JMJD1C: variants seen among roughly 807,000 people sequenced by gnomAD.
JMJD1C encodes jumonji domain containing 1C.
JMJD1C carries 31 observed loss-of-function variants against 245.3 expected under a neutral mutation model. That is an observed-to-expected ratio of 0.13 (90% CI 0.09 to 0.17). The LOEUF is 0.17. JMJD1C is among the 10% of genes least tolerant of loss of function. JMJD1C has a pLI of 1.00. For missense variants in JMJD1C, 2,691 were observed against 3,000.2 expected (o/e 0.90, Z 2.41); for synonymous variants, 1,057 against 1,017.4 (o/e 1.04, Z -0.74).
chr10:63,360,073 G>T (rs1434634612), intron 2 of JMJD1C, among the ~76,000 whole-genome samples: 3 of 152,074 alleles, frequency 2.0e-5, no homozygotes, highest in African/African-American at 7.2e-5. Context: ...TACTTGAGAG[G>T]CTGAGGCAGG....
intron 2 of JMJD1C, among the ~76,000 whole-genome samples, chr10:63,292,156 T>TTTTTTTTTTTTTTTTTTTTTTTTG: frequency 7.1e-6 from 1 of 141,310 alleles, no homozygotes; most frequent in Non-Finnish European, 1.5e-5. Flanking sequence ...TTTTTTTTTT[T>TTTTTTTTTTTTTTTTTTTTTTTTG]TTTTTTTGCC....
At chr10:63,246,686 T>C (rs1287574133) in intron 3 of JMJD1C, among the ~76,000 whole-genome samples, 1 of 151,854 alleles carries the variant, frequency 6.6e-6, no homozygotes, top group African/African-American at 2.4e-5. Context: ...ACACAGACAA[T>C]ACAATGCCAT....
intron 2 of JMJD1C, among the ~76,000 whole-genome samples, chr10:63,321,098 G>A (rs1940799834): frequency 6.6e-6 from 1 of 152,224 alleles, no homozygotes; most frequent in African/African-American, 2.4e-5. Flanking sequence ...CGTGCCAGGT[G>A]GGTGGCACAC....
chr10:63,296,867 T>A (rs1859492093), intron 2 of JMJD1C, among the ~76,000 whole-genome samples: 1 of 152,006 alleles, frequency 6.6e-6, no homozygotes, highest in Admixed American at 6.6e-5. Context: ...GGATAGACAA[T>A]TTTTTTTAAT....
intron 2 of JMJD1C, among the ~76,000 whole-genome samples, chr10:63,316,769 A>C (rs1940118453): frequency 6.6e-6 from 1 of 152,054 alleles, no homozygotes; most frequent in African/African-American, 2.4e-5. Flanking sequence ...ATTTTTATGT[A>C]GTAATGTGGT....
chr10:63,190,693 C>A (rs919434935), intron 17 of JMJD1C, among the ~76,000 whole-genome samples: 2 of 152,110 alleles, frequency 1.3e-5, no homozygotes, highest in African/African-American at 2.4e-5. Context: ...GAGCACCCCC[C>A]CTCCACCTTT....
chr10:63,424,033 A>C (rs531062373), intron 1 of JMJD1C, among the ~76,000 whole-genome samples: 8 of 152,292 alleles, frequency 5.3e-5, no homozygotes, highest in African/African-American at 1.9e-4. Context: ...TATTCTGCAT[A>C]TTAAACCATT....
chr10:63,463,436 G>A (rs1952940040), intron 1 of JMJD1C, among the ~76,000 whole-genome samples: 1 of 152,114 alleles, frequency 6.6e-6, no homozygotes, highest in Non-Finnish European at 1.5e-5. Context: ...CAAAGTGTTG[G>A]GTTTACAGGC....
chr10:63,434,097 A>G (rs892892422), intron 1 of JMJD1C, among the ~76,000 whole-genome samples: 1 of 152,064 alleles, frequency 6.6e-6, no homozygotes, highest in Non-Finnish European at 1.5e-5. Context: ...AACCAACAAA[A>G]CACTTCTACA....
At chr10:63,169,494 A>C (rs1842151722) in intron 24 of JMJD1C, among the ~76,000 whole-genome samples, 1 of 152,228 alleles carries the variant, frequency 6.6e-6, no homozygotes, top group South Asian at 2.1e-4. Context: ...TTTAATTGGG[A>C]GGAGTGAGAT....
chr10:63,230,241 G>A (rs977979463), intron 3 of JMJD1C, among the ~76,000 whole-genome samples: 1 of 151,982 alleles, frequency 6.6e-6, no homozygotes, highest in Non-Finnish European at 1.5e-5. Context: ...GCATGGTGGC[G>A]CTTGCCTGTA....
intron 1 of JMJD1C, among the ~76,000 whole-genome samples, chr10:63,380,719 T>C (rs530144503): frequency 5.9e-5 from 9 of 152,330 alleles, no homozygotes; most frequent in East Asian, 3.9e-4. Flanking sequence ...CAATAAATTA[T>C]TGCTAACTAT....
intron 2 of JMJD1C, among the ~76,000 whole-genome samples, chr10:63,276,884 C>CTTTCTTTTTTT (rs1856826862): frequency 1.0e-5 from 1 of 96,254 alleles, no homozygotes; most frequent in African/African-American, 4.3e-5. Context: ...AAGCTTGGGG[C>CTTTCTTTTTTT]TTTTTTTTTT....
chr10:63,373,467 A>G (rs530116503), intron 2 of JMJD1C, among the ~76,000 whole-genome samples: 18 of 152,362 alleles, frequency 1.2e-4, no homozygotes, highest in African/African-American at 4.3e-4. Context: ...CATGATCTCA[A>G]GAAACAGCAG....
chr10:63,322,519 T>G (rs1269779790), intron 2 of JMJD1C, among the ~76,000 whole-genome samples: 3 of 152,120 alleles, frequency 2.0e-5, no homozygotes, highest in Non-Finnish European at 4.4e-5. Flanking sequence ...ATTTGAATTG[T>G]TAAAAAATTT....
rs572744623 is a variant in JMJD1C, at chr10:63,503,620, T to C, written n.113+18118A>G. Among the ~76,000 whole-genome samples, 5 of 152,324 alleles carry C rather than the reference T, an allele frequency of 3.3e-5. No individual in the cohort carries two copies. The South Asian group carries it at 6.2e-4, about 19-fold the overall frequency. ...CTCACAACCGACCAGCTGCTTTTTATTCCTACGGGCAAGCCTAATAAACTG... is the reference window on the plus strand; with the variant it reads ...CTCACAACCGACCAGCTGCTTTTTACTCCTACGGGCAAGCCTAATAAACTG... On this transcript the variant is annotated intron_variant and non_coding_transcript_variant, in intron 1 of 3. Transcript: ENST00000633035.
chr10:63,428,208 T>A (rs780087355), intron 1 of JMJD1C, among the ~76,000 whole-genome samples: 2 of 152,210 alleles, frequency 1.3e-5, no homozygotes, highest in African/African-American at 2.4e-5. Flanking sequence ...GTAAAGAAAC[T>A]ACATCAATCA....
At chr10:63,512,150 A>G (rs1228085856) in intron 1 of JMJD1C, among the ~76,000 whole-genome samples, 1 of 152,230 alleles carries the variant, frequency 6.6e-6, no homozygotes, top group Non-Finnish European at 1.5e-5. Flanking sequence ...ACATATACAA[A>G]CCCACAGAAG....
chr10:63,343,532 T>C (rs1458533662), intron 2 of JMJD1C, among the ~76,000 whole-genome samples: 7 of 152,182 alleles, frequency 4.6e-5, no homozygotes, highest in Admixed American at 3.9e-4. Context: ...TGTTAATATA[T>C]ATACCTTACA....
Sources: allele counts gnomAD v4.1 joint callset (sites outside exome capture counted in the v4.1 genomes callset), GRCh38; gene constraint gnomAD v4.1.1; transcripts MANE v1.5; gene names NCBI Gene and HGNC (gene_info 2026-07-23, HGNC 2026-07-21).